Variants in STK33 observed in about 807,000 individuals in gnomAD.
The protein encoded by STK33 is serine/threonine-protein kinase 33.
Under a neutral mutation model 58.0 loss-of-function variants are expected in STK33, and 52 were observed. That is an observed-to-expected ratio of 0.90 (90% CI 0.72 to 1.13). The LOEUF is 1.13. STK33 is among the 50% of genes most tolerant of loss of function. The pLI is 0.00. For missense variants in STK33, 630 were observed against 604.2 expected, an observed-to-expected ratio of 1.04 and a Z score of -0.45; for synonymous variants, 215 against 200.1, an observed-to-expected ratio of 1.07 and a Z score of -0.63.
At chr11:8,442,067 A>G (rs1233851624) in intron 11 of STK33, among the ~76,000 whole-genome samples, 1 of 144,606 alleles carries the variant, frequency 6.9e-6, no homozygotes, top group Non-Finnish European at 1.5e-5. Flanking sequence ...ACACACACAC[A>G]CTTTTATGAC....
In STK33 at chr11:8,454,787, C is replaced by T. The variant is rs1554944156; in HGVS notation, c.743G>A (p.Ser248Asn). The change falls in exon 10 of 16, where the codon AGC becomes AAC. Residue 248 changes from serine (S) to asparagine (N), a missense_variant. Transcript: ENST00000687296. Reference protein sequence around the residue: ...DLKLENIMVKSSLIDDNNEIN... With the variant: ...DLKLENIMVKNSLIDDNNEIN... ...TTCATTGTTATCATCAATAAGACTG[C>T]TTTTAACCATTATATTTTCCAGTTT... The T allele has an allele frequency of 3.2e-6, 5 of 1,574,180 alleles. No homozygotes were observed. The highest frequency in any genetic ancestry group is 1.1e-5 in the South Asian group (1 of 86,988).
At chr11:8,553,172 A>ATATATATATATATATATATATATATGGTG (rs1346767033) in intron 1 of STK33, among the ~76,000 whole-genome samples, 155 of 45,138 alleles carry the variant, frequency 3.4e-3, no homozygotes, top group Non-Finnish European at 4.8e-3. Context: ...AATAAAATAT[A>ATATATATATATATATATATATATATGGTG]TATATATATA....
chr11:8,494,111 T>C lies in STK33; in HGVS notation c.-465-13497A>G, dbSNP rs192995326. ...AGTTCTGGCCAGAGCAAGCAGGCAA[T>C]AGAAAGAAATGAAGGGTACTCAATT... On this transcript the variant is annotated intron_variant, in intron 1 of 15. Coordinates refer to ENST00000687296, the MANE Select transcript of STK33 (RefSeq NM_001352389.2). 1.7e-3 allele frequency among the ~76,000 whole-genome samples: 260 copies of C among 152,106 alleles called. 2 individuals are homozygous for C. The highest frequency in any genetic ancestry group is 6.1e-3 in the African/African-American group (254 of 41,490).
At chr11:8,583,597 C>T (rs535186212) in intron 1 of STK33, among the ~76,000 whole-genome samples, 6 of 152,198 alleles carry the variant, frequency 3.9e-5, no homozygotes, top group African/African-American at 1.4e-4. Context: ...AAGAAGTTAA[C>T]CCCCCTATAT....
chr11:8,379,832 A>AT, the STK33 span, among the ~76,000 whole-genome samples: 1,945 of 152,184 alleles, frequency 0.013, 39 homozygotes, highest in African/African-American at 0.044. Flanking sequence ...TGTGCTATCC[A>AT]TAAGTCCTCA....
the STK33 span, among the ~76,000 whole-genome samples, chr11:8,379,625 TA>T: frequency 6.6e-6 from 1 of 152,206 alleles, no homozygotes; most frequent in Non-Finnish European, 1.5e-5. Flanking sequence ...GCCCTTTTTT[TA>T]AAAATTAACT....
intron 1 of STK33, among the ~76,000 whole-genome samples, chr11:8,511,695 T>C (rs1427863634): frequency 2.0e-5 from 3 of 152,196 alleles, no homozygotes; most frequent in Non-Finnish European, 4.4e-5. Context: ...AAAGAGATGC[T>C]GGATTTTATC....
chr11:8,357,224 G>T, the STK33 span, among the ~76,000 whole-genome samples: 3 of 152,186 alleles, frequency 2.0e-5, no homozygotes, highest in Non-Finnish European at 4.4e-5. Context: ...TGCCCCATCG[G>T]CTCCCTAATT....
At position 8,391,991 on chromosome 11, in the gene STK33, A is replaced by G. The variant is rs745326081; in HGVS notation, c.*519T>C. ...CATTTAAAATAAGCTGTCTTAAACA[A>G]TCTATAGCAACCTAAAATCTCACGA... On this transcript the variant is annotated 3_prime_UTR_variant, in exon 16 of 16. Transcript: ENST00000687296. 1 of 156,310 alleles carries G rather than the reference A, an allele frequency of 6.4e-6. No individual in the cohort carries two copies. 9.7% of individuals were successfully genotyped at this position (156,310 alleles called of 1,614,324 possible).
intron 14 of STK33, among the ~76,000 whole-genome samples, chr11:8,414,830 C>T (rs1940883099): frequency 6.6e-6 from 1 of 152,142 alleles, no homozygotes; most frequent in African/African-American, 2.4e-5. Flanking sequence ...TCCTAGAATG[C>T]CATTGCCATT....
chr11:8,518,782 G>T (rs1334214244), intron 1 of STK33, among the ~76,000 whole-genome samples: 5 of 152,182 alleles, frequency 3.3e-5, no homozygotes, highest in Admixed American at 2.0e-4. Context: ...AATTCAAAAA[G>T]AAGAGCTAAC....
chr11:8,515,339 T>C (rs578239727), intron 1 of STK33, among the ~76,000 whole-genome samples: 10 of 152,154 alleles, frequency 6.6e-5, no homozygotes, highest in African/African-American at 2.4e-4. Flanking sequence ...CTTAGAAACA[T>C]AGAACCTACC....
At position 8,457,459 on chromosome 11, in the gene STK33, C is replaced by A. The variant is rs1947005358; in HGVS notation, c.579G>T (p.Glu193Asp). ...ETPKKMYLVM[E>D]LCEDGELKEI... is the part of the protein sequence containing the mutation. Reference sequence around the variant, plus strand: ...CTTTGAGTTCTCCATCCTCACAAAGCTCCATCACAAGGTACATTTTCTGAC... The same window carrying A: ...CTTTGAGTTCTCCATCCTCACAAAGATCCATCACAAGGTACATTTTCTGAC... The change falls in exon 9 of 16, where the codon GAG becomes GAT. Residue 193 changes from glutamate to aspartate, a missense_variant. Coordinates refer to ENST00000687296, the MANE Select transcript of STK33 (RefSeq NM_001352389.2). 2 of 1,599,152 alleles carry A rather than the reference C, an allele frequency of 1.3e-6. No individual in the cohort carries two copies. Among genetic ancestry groups the A allele is most frequent in the Non-Finnish European group, 1.7e-6 (2 of 1,169,694 alleles).
chr11:8,522,409 G>T (rs1403699068), intron 1 of STK33, among the ~76,000 whole-genome samples: 1 of 151,772 alleles, frequency 6.6e-6, no homozygotes. Context: ...TCCCTCATAG[G>T]TGGAAACTGA....
At chr11:8,388,546 T>C (rs938145377), downstream of STK33, among the ~76,000 whole-genome samples, 1 of 152,242 alleles carries the variant, frequency 6.6e-6, no homozygotes, top group Non-Finnish European at 1.5e-5. Context: ...CTTTGAATAG[T>C]AAAAACTTTT....
chr11:8,525,124 G>C (rs1953915747), intron 1 of STK33, among the ~76,000 whole-genome samples: 2 of 152,092 alleles, frequency 1.3e-5, no homozygotes, highest in African/African-American at 4.8e-5. Context: ...TAAACAAATG[G>C]AAGGACATAC....
At chr11:8,479,065 T>A (rs1340243526) in intron 2 of STK33, among the ~76,000 whole-genome samples, 1 of 152,238 alleles carries the variant, frequency 6.6e-6, no homozygotes, top group African/African-American at 2.4e-5. Context: ...TCCTCACTGA[T>A]TAAGCAGTAA....
At chr11:8,415,667 G>C (rs1941016424) in intron 14 of STK33, among the ~76,000 whole-genome samples, 1 of 152,060 alleles carries the variant, frequency 6.6e-6, no homozygotes, top group South Asian at 2.1e-4. Context: ...CCTTGATATA[G>C]ATACCAAAGC....
intron 14 of STK33, among the ~76,000 whole-genome samples, chr11:8,423,202 A>G (rs767365560): frequency 1.3e-5 from 2 of 151,098 alleles, no homozygotes; most frequent in Non-Finnish European, 3.0e-5. Flanking sequence ...TTTTTCAAAG[A>G]ACCAAATATT....
Sources: allele counts gnomAD v4.1 joint callset (sites outside exome capture counted in the v4.1 genomes callset), GRCh38; gene constraint gnomAD v4.1.1; transcripts MANE v1.5; gene names NCBI Gene and HGNC (gene_info 2026-07-23, HGNC 2026-07-21).